Variants in CSMD1 observed in about 807,000 individuals in gnomAD.
The protein encoded by CSMD1 is CUB and sushi domain-containing protein 1.
A neutral mutation model predicts 417.5 loss-of-function variants in CSMD1; 213 were observed. The observed-to-expected ratio is 0.51, with a 90% CI of 0.46 to 0.57. The LOEUF (loss-of-function observed/expected upper bound fraction) is 0.57, where lower values mean the gene tolerates loss of function less well. Among genes scored for constraint, CSMD1 ranks in the 20% least tolerant of loss-of-function variants. CSMD1 has a pLI of 0.00. For synonymous variants in CSMD1, 2,862 were observed against 1,736.8 expected, an observed-to-expected ratio of 1.65 and a Z score of -16.11; for missense variants, 6,923 against 4,529.7, an observed-to-expected ratio of 1.53 and a Z score of -15.17.
At chr8:4,990,682 A>G (rs1811414000) in intron 1 of CSMD1, among the ~76,000 whole-genome samples, 1 of 151,980 alleles carries the variant, frequency 6.6e-6, no homozygotes, top group Admixed American at 6.6e-5. Flanking sequence ...CTGGATGGGG[A>G]TTAGGGGTTT....
intron 4 of CSMD1, among the ~76,000 whole-genome samples, chr8:4,016,823 G>C (rs56065554): frequency 0.15 from 23,242 of 152,154 alleles, 2,136 homozygotes; most frequent in African/African-American, 0.24. Context: ...CATCCATGAG[G>C]TTGTTGGAAG....
chr8:4,697,850 C>T (rs946279172), intron 1 of CSMD1, among the ~76,000 whole-genome samples: 10 of 152,076 alleles, frequency 6.6e-5, no homozygotes, highest in African/African-American at 1.9e-4. Context: ...TAGTAAACTG[C>T]TTGATATTTG....
chr8:3,504,301 G>C (rs529785588), intron 10 of CSMD1, among the ~76,000 whole-genome samples: 4 of 152,232 alleles, frequency 2.6e-5, no homozygotes, highest in East Asian at 3.9e-4. Flanking sequence ...ACAAAAGAGA[G>C]AGTCTGGGCT....
At chr8:3,933,888 C>G (rs551704799) in intron 5 of CSMD1, among the ~76,000 whole-genome samples, 1 of 152,014 alleles carries the variant, frequency 6.6e-6, no homozygotes, top group African/African-American at 2.4e-5. Context: ...GCTTTATTTA[C>G]TTTCTCTAGG....
chr8:3,228,027 T>G (rs1429716830), intron 27 of CSMD1, among the ~76,000 whole-genome samples: 1 of 152,086 alleles, frequency 6.6e-6, no homozygotes, highest in East Asian at 1.9e-4. Context: ...CTTGGCCTCC[T>G]AAAGTGCTGG....
At chr8:4,010,844 A>C (rs973359963) in intron 4 of CSMD1, among the ~76,000 whole-genome samples, 4 of 152,192 alleles carry the variant, frequency 2.6e-5, no homozygotes, top group African/African-American at 9.7e-5. Context: ...GTCCACTTTT[A>C]TATCCTTGCA....
At chr8:3,833,468 C>T (rs374938547) in intron 5 of CSMD1, among the ~76,000 whole-genome samples, 3 of 151,964 alleles carry the variant, frequency 2.0e-5, no homozygotes, top group Non-Finnish European at 2.9e-5. Flanking sequence ...TTTATTAATG[C>T]TATCTTATTT....
In CSMD1 at chr8:4,855,006, A is replaced by G. The variant is rs374444035; in HGVS notation, c.85+139326T>C. 2.5e-4 allele frequency among the ~76,000 whole-genome samples: 38 copies of G among 152,272 alleles called. No individual in the cohort carries two copies. In the East Asian group the frequency reaches 5.5e-3, roughly 22 times the overall value. On this transcript the variant is annotated intron_variant, in intron 1 of 69. Transcript: ENST00000635120. ...ACATCAGTAACCTCTGCAGACTTAA[A>G]TGTCCCTGTCTGACAGGTTTGAAGA...
intron 2 of CSMD1, among the ~76,000 whole-genome samples, chr8:4,596,212 G>C (rs542237280): frequency 1.3e-5 from 2 of 152,266 alleles, no homozygotes; most frequent in East Asian, 3.9e-4. Context: ...TTTGGTAGGA[G>C]AACTTGATAG....
chr8:4,750,371 A>C (rs1811236572), intron 1 of CSMD1, among the ~76,000 whole-genome samples: 1 of 152,144 alleles, frequency 6.6e-6, no homozygotes. Flanking sequence ...CTTTTTTAAA[A>C]AGTAGTTTAG....
chr8:3,790,965 G>T (rs924148295), intron 5 of CSMD1, among the ~76,000 whole-genome samples: 3 of 152,166 alleles, frequency 2.0e-5, no homozygotes, highest in African/African-American at 7.2e-5. Context: ...AGGAAAGATG[G>T]TCAAAAATAT....
At chr8:4,897,473 T>G (rs568363320) in intron 1 of CSMD1, among the ~76,000 whole-genome samples, 1 of 151,746 alleles carries the variant, frequency 6.6e-6, no homozygotes, top group Non-Finnish European at 1.5e-5. Flanking sequence ...CTTTAAGGAG[T>G]GGTTTGGGTT....
chr8:3,431,204 C>T (rs566008647), intron 12 of CSMD1, among the ~76,000 whole-genome samples: 1 of 152,268 alleles, frequency 6.6e-6, no homozygotes, highest in African/African-American at 2.4e-5. Flanking sequence ...TTTCCCAGTT[C>T]CACTAAGACA....
chr8:4,577,148 G>GT (rs912686429), intron 2 of CSMD1, among the ~76,000 whole-genome samples: 10 of 151,350 alleles, frequency 6.6e-5, no homozygotes, highest in South Asian at 2.1e-4. Context: ...GTTTCCTTGG[G>GT]TTTTTTTTGC....
intron 1 of CSMD1, among the ~76,000 whole-genome samples, chr8:4,651,522 A>T (rs934007074): frequency 6.6e-6 from 1 of 152,144 alleles, no homozygotes; most frequent in East Asian, 1.9e-4. Flanking sequence ...AATAAAGTTT[A>T]CTGGTTTCTC....
chr8:4,722,667 C>A (rs185932963), intron 1 of CSMD1, among the ~76,000 whole-genome samples: 2 of 150,540 alleles, frequency 1.3e-5, no homozygotes, highest in Non-Finnish European at 3.0e-5. Context: ...CTATCCTCAG[C>A]GGAAAAAAAA....
At chr8:3,940,687 C>T (rs948471885) in intron 5 of CSMD1, among the ~76,000 whole-genome samples, 1 of 151,230 alleles carries the variant, frequency 6.6e-6, no homozygotes, top group African/African-American at 2.4e-5. Flanking sequence ...TATAACATAC[C>T]TACATTGCTT....
chr8:4,002,955 G>C (rs1228189414), intron 4 of CSMD1, among the ~76,000 whole-genome samples: 2 of 152,050 alleles, frequency 1.3e-5, no homozygotes, highest in Non-Finnish European at 2.9e-5. Context: ...TGTTACGGAA[G>C]CAAAAATAAC....
At chr8:4,973,747 A>G (rs1810379846) in intron 1 of CSMD1, among the ~76,000 whole-genome samples, 1 of 152,154 alleles carries the variant, frequency 6.6e-6, no homozygotes, top group Non-Finnish European at 1.5e-5. Flanking sequence ...GCATTTATTT[A>G]TTTTTTATTC....
Sources: allele counts gnomAD v4.1 joint callset (sites outside exome capture counted in the v4.1 genomes callset), GRCh38; gene constraint gnomAD v4.1.1; transcripts MANE v1.5; gene names NCBI Gene and HGNC (gene_info 2026-07-23, HGNC 2026-07-21).